The following AGO3 variants were observed in gnomAD, a reference collection of about 807,000 sequenced individuals.
The protein encoded by AGO3 is protein argonaute-3.
A neutral mutation model predicts 105.5 loss-of-function variants in AGO3; 16 were observed. That is an observed-to-expected ratio of 0.15 (90% CI 0.10 to 0.23). The LOEUF is 0.23. Among genes scored for constraint, AGO3 ranks in the 10% least tolerant of loss-of-function variants. The pLI is 1.00. For missense variants in AGO3, 534 were observed against 1,088.0 expected (o/e 0.49, Z 7.16); for synonymous variants, 340 against 367.3 (o/e 0.93, Z 0.85).
At chr1:35,933,671 AATC>A (rs1203837805) in intron 1 of AGO3, among the ~76,000 whole-genome samples, 1 of 146,116 alleles carries the variant, frequency 6.8e-6, no homozygotes, top group African/African-American at 2.6e-5. Context: ...AAAAAAAAAA[AATC>A]ATCATTTGAC....
At chr1:36,015,050 C>T (rs1271287501) in intron 11 of AGO3, among the ~76,000 whole-genome samples, 1 of 152,034 alleles carries the variant, frequency 6.6e-6, no homozygotes, top group Non-Finnish European at 1.5e-5. Flanking sequence ...ACACTATCTT[C>T]CTGGAAATAG....
rs183538779 is a variant in AGO3 at position 35,990,990 on chromosome 1, G to A, written c.659-13351G>A. On this transcript the variant is annotated intron_variant, in intron 5 of 18. Coordinates refer to ENST00000373191, the MANE Select transcript of AGO3 (RefSeq NM_024852.4). ...ATATCTGGATCAGGCTTACCCAGGC[G>A]GGCTATCTTCACATTAGAAAAACAG... 3.4e-4 allele frequency among the ~76,000 whole-genome samples: 51 copies of A among 152,110 alleles called. 1 individual carries two copies. The Middle Eastern group carries it at 0.01, about 30-fold the overall frequency.
In AGO3 at chr1:36,009,002, G is replaced by C; in HGVS notation, c.987G>C (p.Leu329=). The C allele has an allele frequency of 6.2e-7, 1 of 1,601,026 alleles. No homozygotes were observed. Among genetic ancestry groups the C allele is most frequent in the Non-Finnish European group, 8.5e-7 (1 of 1,173,528 alleles). Residue 329 remains leucine, a synonymous_variant, in exon 8 of 19, where the codon CTG becomes CTC. Transcript: ENST00000373191. ...LQLKYPHLPC[L]QVGQEQKHTY... is the part of the protein sequence containing the mutation. ...TGAAGTACCCGCACCTTCCCTGTCT[G>C]CAAGTCGGGCAGGAACAGAAACACA...
intron 6 of AGO3, chr1:36,005,786 A>C: frequency 1.0e-6 from 1 of 985,382 alleles, no homozygotes; most frequent in Non-Finnish European, 1.2e-6. Context: ...TCTTAACTTC[A>C]ACTGCTCAGG....
At chr1:35,940,821 C>A (rs1289700910) in intron 1 of AGO3, among the ~76,000 whole-genome samples, 1 of 152,204 alleles carries the variant, frequency 6.6e-6, no homozygotes, top group Non-Finnish European at 1.5e-5. Context: ...GGTCCTCCTC[C>A]AACCTTGTTG....
intron 11 of AGO3, among the ~76,000 whole-genome samples, chr1:36,018,672 T>C (rs975566016): frequency 2.8e-4 from 43 of 152,048 alleles, no homozygotes; most frequent in African/African-American, 5.5e-4. Context: ...ACCTCGTGAT[T>C]CACCCGCCTT....
At chr1:36,046,071 C>T (rs1642456687) in intron 17 of AGO3, among the ~76,000 whole-genome samples, 1 of 152,192 alleles carries the variant, frequency 6.6e-6, no homozygotes, top group Non-Finnish European at 1.5e-5. Context: ...CCATCAACAC[C>T]TTGGACACCT....
intron 1 of AGO3, among the ~76,000 whole-genome samples, chr1:35,940,945 C>T (rs1445556107): frequency 1.3e-5 from 2 of 152,092 alleles, no homozygotes; most frequent in Non-Finnish European, 2.9e-5. Context: ...ATCTCTAATC[C>T]AGTGGTTTTA....
intron 2 of AGO3, 39 bp from the exon 3 acceptor site, chr1:35,966,916 T>TA (rs773660329): frequency 6.4e-7 from 1 of 1,566,256 alleles, no homozygotes; most frequent in South Asian, 1.2e-5. Flanking sequence ...TATTTCATCT[T>TA]ACAGAGGATT....
At chr1:35,966,163 A>C (rs879775196) in intron 2 of AGO3, among the ~76,000 whole-genome samples, 18 of 152,180 alleles carry the variant, frequency 1.2e-4, no homozygotes, top group Admixed American at 1.1e-3. Flanking sequence ...TATCAATACT[A>C]TGTGAGTACA....
rs369177798 is a variant in AGO3, at chr1:36,062,486, G to C, written c.*6741G>C. 3.9e-5 allele frequency: 6 copies of C among 151,930 alleles called. No homozygotes were observed. The highest frequency in any genetic ancestry group is 1.5e-4 in the African/African-American group (6 of 41,364). 9.4% of individuals were successfully genotyped at this position (151,930 alleles called of 1,614,324 possible). ...TTTAAATGATTTTTTATTTTTTCTA[G>C]GATGCAGGAACTATGAAAAATGATG... On this transcript the variant is annotated 3_prime_UTR_variant, in exon 19 of 19. Coordinates refer to ENST00000373191, the MANE Select transcript of AGO3 (RefSeq NM_024852.4).
chr1:35,969,735 A>C (rs942247517), intron 3 of AGO3, among the ~76,000 whole-genome samples: 4 of 152,180 alleles, frequency 2.6e-5, no homozygotes, highest in Admixed American at 6.5e-5. Context: ...TACTTACGCA[A>C]ACCTGAATGG....
chr1:35,945,341 C>G (rs1222380114), intron 1 of AGO3, among the ~76,000 whole-genome samples: 2 of 152,060 alleles, frequency 1.3e-5, no homozygotes, highest in African/African-American at 4.8e-5. Flanking sequence ...GCATGAGCCA[C>G]CATGCCCTGC....
chr1:35,970,771 C>CCAGA (rs1646852932), intron 3 of AGO3, among the ~76,000 whole-genome samples: 1 of 151,578 alleles, frequency 6.6e-6, no homozygotes, highest in Non-Finnish European at 1.5e-5. Flanking sequence ...GCTCTGTAAC[C>CCAGA]CAGGCTGGAG....
intron 5 of AGO3, among the ~76,000 whole-genome samples, chr1:35,984,277 G>T (rs1034001156): frequency 6.6e-6 from 1 of 152,194 alleles, no homozygotes; most frequent in Non-Finnish European, 1.5e-5. Flanking sequence ...GCAGGCTGCA[G>T]TGAGCTGTAA....
At chr1:35,952,178 G>A (rs1168478768) in intron 2 of AGO3, among the ~76,000 whole-genome samples, 1 of 120,690 alleles carries the variant, frequency 8.3e-6, no homozygotes, top group African/African-American at 3.3e-5. Flanking sequence ...ACAGAGTCTC[G>A]CTCTGTCACC....
chr1:35,980,121 T>C (rs894351394), intron 5 of AGO3, among the ~76,000 whole-genome samples: 1 of 152,206 alleles, frequency 6.6e-6, no homozygotes. Context: ...ATGATACCTA[T>C]CTTCCTCTGT....
chr1:36,043,473 T>C lies in AGO3; in HGVS notation c.2199T>C (p.Ala733=). 6.2e-7 allele frequency: 1 copy of C among 1,613,788 alleles called. No individual in the cohort carries two copies. The highest frequency in any genetic ancestry group is 1.1e-5 in the South Asian group (1 of 90,986). The part of the protein sequence containing the change: ...ERVGRSGNIP[A]GTTVDTDITH... ...TTGGAAGAAGTGGCAATATCCCAGC[T>C]GGAACAACAGTTGATACAGACATTA... is the stretch of plus-strand genomic sequence containing the variant. Residue 733 remains alanine, a synonymous_variant, in exon 17 of 19, where the codon GCT becomes GCC. Transcript: ENST00000373191.
intron 12 of AGO3, among the ~76,000 whole-genome samples, chr1:36,031,444 G>A (rs1296036711): frequency 6.7e-6 from 1 of 149,364 alleles, no homozygotes; most frequent in East Asian, 1.9e-4. Flanking sequence ...CAAATACCCT[G>A]TTTTTATTTG....
Sources: allele counts gnomAD v4.1 joint callset (sites outside exome capture counted in the v4.1 genomes callset), GRCh38; gene constraint gnomAD v4.1.1; transcripts MANE v1.5; gene names NCBI Gene and HGNC (gene_info 2026-07-23, HGNC 2026-07-21).